The following ZKSCAN5 variants were observed in gnomAD, a reference collection of about 807,000 sequenced individuals.
ZKSCAN5 encodes the protein zinc finger protein with KRAB and SCAN domains 5.
A neutral mutation model predicts 60.0 loss-of-function variants in ZKSCAN5; 28 were observed. The observed-to-expected ratio is 0.47, with a 90% CI of 0.35 to 0.64. The LOEUF is 0.64. Among genes scored for constraint, ZKSCAN5 ranks in the 30% least tolerant of loss-of-function variants. The probability of loss-of-function intolerance (pLI) is 0.01; values close to 1 mark genes in which losing one functional copy is unlikely to be tolerated. For missense variants in ZKSCAN5, 881 were observed against 1,034.6 expected (o/e 0.85, Z 2.04); for synonymous variants, 361 against 371.2 (o/e 0.97, Z 0.31).
At chr7:99,506,548 A>G in intron 2 of ZKSCAN5, 90 bp downstream of exon 2, 1 of 1,435,926 alleles carries the variant, frequency 7.0e-7, no homozygotes, top group Non-Finnish European at 9.3e-7. Flanking sequence ...CTGCTGCTTC[A>G]TTCATATTCT....
intron 3 of ZKSCAN5, 106 bp from the exon 4 acceptor site, chr7:99,519,721 C>T (rs377390841): frequency 1.3e-4 from 145 of 1,079,420 alleles, no homozygotes; most frequent in Non-Finnish European, 1.5e-4. Flanking sequence ...AATTTGGCCT[C>T]GGCGCAGTAG....
In ZKSCAN5 at chr7:99,521,082, A is replaced by G. The variant is rs774897827; in HGVS notation, c.772+778A>G. Among the ~76,000 whole-genome samples the G allele has an allele frequency of 5.9e-5, 9 of 152,276 alleles. No individual in the cohort carries two copies. The South Asian group carries it at 1.0e-3, about 18-fold the overall frequency. ...TAAAAATCTCAGCACTCCTGCAAAC[A>G]TTTTGGAGATTATAGCTTTTAGCCT... On this transcript the variant is annotated intron_variant, in intron 5 of 6. Transcript: ENST00000326775.
Position 99,531,672 on chromosome 7 carries a change from T to C in ZKSCAN5, c.1943T>C (p.Leu648Pro), listed in dbSNP as rs1184333608. The C allele has an allele frequency of 6.2e-7, 1 of 1,614,088 alleles. No individual in the cohort carries two copies. The highest frequency in any genetic ancestry group is 8.5e-7 in the Non-Finnish European group (1 of 1,180,052). Residue 648 changes from leucine (L) to proline (P), a missense_variant, in exon 7 of 7, where the codon CTG becomes CCG. By Grantham distance (98) the Leu-to-Pro change is moderately conservative. This residue lies in a region of ZKSCAN5 where 112 missense variants were observed against 182.4 expected (regional missense o/e 0.61). Coordinates refer to ENST00000326775, the MANE Select transcript of ZKSCAN5 (RefSeq NM_145102.4). ...CGKGFGRRSH[L>P]AGHLRLHSRE... is the part of the protein sequence containing the mutation. ...AAAGGCTTTGGGAGGCGTTCCCACCTGGCTGGACATCTTCGACTCCACTCC... is the reference window on the plus strand; with the variant it reads ...AAAGGCTTTGGGAGGCGTTCCCACCCGGCTGGACATCTTCGACTCCACTCC...
chr7:99,524,691 GTTC>G (rs1562912520), intron 5 of ZKSCAN5, among the ~76,000 whole-genome samples: 1 of 152,160 alleles, frequency 6.6e-6, no homozygotes, highest in African/African-American at 2.4e-5. Flanking sequence ...AAAGTAGTAG[GTTC>G]TTCTCAGGAT....
intron 6 of ZKSCAN5, among the ~76,000 whole-genome samples, chr7:99,528,171 C>T (rs1326522755): frequency 6.8e-6 from 1 of 147,768 alleles, no homozygotes; most frequent in Non-Finnish European, 1.5e-5. Flanking sequence ...AGCCACGCTG[C>T]ATCTTCCACC....
Position 99,531,994 on chromosome 7 carries a change from C to T in ZKSCAN5, c.2265C>T (p.Gly755=), listed in dbSNP as rs750645791. ...GTGATATATGTAGAGAAAATGTTGG[C>T]CAGTGTTCCCACACCAAACAACATC... ...YQCDICRENV[G]QCSHTKQHQK... The change falls in exon 7 of 7, where the codon GGC becomes GGT. Residue 755 remains glycine, a synonymous_variant. Coordinates refer to ENST00000326775, the MANE Select transcript of ZKSCAN5 (RefSeq NM_145102.4). The T allele has an allele frequency of 3.1e-6, 5 of 1,614,054 alleles. No individual in the cohort carries two copies. The highest frequency in any genetic ancestry group is 3.4e-6 in the Non-Finnish European group (4 of 1,180,056).
In ZKSCAN5 at chr7:99,526,410, C is replaced by T. The variant is rs1467520990; in HGVS notation, c.1370C>T (p.Ser457Phe). The T allele has an allele frequency of 1.3e-6, 2 of 1,598,588 alleles. No homozygotes were observed. Among genetic ancestry groups the T allele is most frequent in the African/African-American group, 2.7e-5 (2 of 74,872 alleles). Residue 457 changes from serine (S) to phenylalanine (F), a missense_variant, in exon 6 of 7, where the codon TCC (serine) becomes TTC (phenylalanine). Ser to Phe is a radical substitution (Grantham distance 155). Transcript: ENST00000326775. Reference protein sequence around the residue: ...EHLKRHFREKSQRCSDKRSKN... With the variant: ...EHLKRHFREKFQRCSDKRSKN... ...CTAAAACGCCACTTCAGGGAGAAATCCCAGAGATGTACGTGTGAGGAGTTT... is the reference window on the plus strand; with the variant it reads ...CTAAAACGCCACTTCAGGGAGAAATTCCAGAGATGTACGTGTGAGGAGTTT...
rs115361099 is a variant in ZKSCAN5, at chr7:99,526,102, C to A, written c.1062C>A (p.Phe354Leu). The A allele has an allele frequency of 9.8e-5, 158 of 1,614,212 alleles. 2 individuals are homozygous for A. In the Admixed American group the frequency reaches 1.2e-3, roughly 13 times the overall value. The change falls in exon 6 of 7, where the codon TTC (phenylalanine) becomes TTA (leucine). Residue 354 changes from phenylalanine to leucine, a missense_variant. By Grantham distance (22) the Phe-to-Leu change is conservative. Around this residue, in one of 5 missense-constraint regions of ZKSCAN5, gnomAD observed 490 missense variants for 554.5 expected, o/e 0.88. Transcript: ENST00000326775. ...ACAGATGCAGCGATTGTGGCAAATT[C>A]TTCCTCCAAGCCTCAAACTTTATTC... is the stretch of plus-strand genomic sequence containing the variant. ...RGHRCSDCGK[F>L]FLQASNFIQH...
chr7:99,526,855 T>C (rs972299455), intron 6 of ZKSCAN5, among the ~76,000 whole-genome samples: 7 of 152,196 alleles, frequency 4.6e-5, no homozygotes, highest in African/African-American at 1.7e-4. Flanking sequence ...GTGCTGGCTG[T>C]GCTCTCAGCT....
chr7:99,512,530 C>T lies in ZKSCAN5; in HGVS notation c.492C>T (p.Pro164=). 3 of 1,614,166 alleles carry T rather than the reference C, an allele frequency of 1.9e-6. No individual in the cohort carries two copies. Among genetic ancestry groups the T allele is most frequent in the Non-Finnish European group, 2.5e-6 (3 of 1,180,008 alleles). ...GAVQESCSPH[P]LTVDTQPEQA... Reference sequence around the variant, plus strand: ...TGCAGGAGTCCTGCAGCCCCCATCCCCTGACCGTGGACACCCAGCCTGAGC... The same window carrying T: ...TGCAGGAGTCCTGCAGCCCCCATCCTCTGACCGTGGACACCCAGCCTGAGC... Residue 164 remains proline (P), a synonymous_variant, in exon 3 of 7, where the codon CCC becomes CCT. Transcript: ENST00000326775.
intron 2 of ZKSCAN5, 42 bp downstream of exon 2, chr7:99,506,500 T>A: frequency 6.6e-6 from 10 of 1,525,264 alleles, no homozygotes; most frequent in South Asian, 2.4e-5. Context: ...AGGAGAGGAG[T>A]GAACCATCTG....
chr7:99,523,520 C>G (rs892751111), intron 5 of ZKSCAN5, among the ~76,000 whole-genome samples: 1 of 152,112 alleles, frequency 6.6e-6, no homozygotes, highest in African/African-American at 2.4e-5. Context: ...GTGGGAGGAT[C>G]GCTTCAACCA....
intron 4 of ZKSCAN5, 74 bp downstream of exon 4, chr7:99,519,983 G>A: frequency 1.9e-6 from 3 of 1,570,782 alleles, no homozygotes; most frequent in Non-Finnish European, 2.6e-6. Flanking sequence ...TCTTTAGCCA[G>A]TGACTAGGCC....
Position 99,514,983 on chromosome 7 carries a change from G to A in ZKSCAN5, c.553+2392G>A, listed in dbSNP as rs148281696. On this transcript the variant is annotated intron_variant, in intron 3 of 6. Transcript: ENST00000326775. ...TGGTCCCGGCTATACCAGAGGCTGA[G>A]GTGGGAGATTGCTCGAGCCCAGGAA... Among the ~76,000 whole-genome samples the A allele has an allele frequency of 4.1e-3, 631 of 152,176 alleles. 5 individuals carry two copies. The highest frequency in any genetic ancestry group is 0.014 in the African/African-American group (588 of 41,524).
chr7:99,523,148 T>C (rs78450194), intron 5 of ZKSCAN5, among the ~76,000 whole-genome samples: 2,138 of 109,836 alleles, frequency 0.019, 27 homozygotes, highest in Middle Eastern at 0.031. Context: ...TAGGTGACAA[T>C]GTGAGACCCT....
rs150027885 is a variant in ZKSCAN5 at position 99,531,225 on chromosome 7, A to G, written c.1496A>G (p.Asp499Gly). The change falls in exon 7 of 7, where the codon GAT (aspartate) becomes GGT (glycine). Residue 499 changes from aspartate to glycine, a missense_variant. Physicochemically the swap from Asp to Gly is moderately conservative, Grantham distance 94. Around this residue, in one of 5 missense-constraint regions of ZKSCAN5, gnomAD observed 490 missense variants for 554.5 expected, o/e 0.88. Coordinates refer to ENST00000326775, the MANE Select transcript of ZKSCAN5 (RefSeq NM_145102.4). ...KTQRNVSQVQDFGEGCEFQGK... is the reference protein window; with the variant it reads ...KTQRNVSQVQGFGEGCEFQGK... The stretch of plus-strand genomic sequence containing the variant: ...CAAAGAAATGTTTCTCAAGTTCAAG[A>G]TTTTGGAGAAGGCTGTGAGTTTCAA... 340 of 1,614,158 alleles carry G rather than the reference A, an allele frequency of 2.1e-4. 3 individuals carry two copies. The Admixed American group carries it at 5.4e-3, about 26-fold the overall frequency.
At chr7:99,519,484 G>A (rs940108108) in intron 3 of ZKSCAN5, among the ~76,000 whole-genome samples, 5 of 152,010 alleles carry the variant, frequency 3.3e-5, no homozygotes, top group Non-Finnish European at 5.9e-5. Flanking sequence ...TGCCTTGTTG[G>A]CCAGGATGGC....
At chr7:99,523,445 G>GACAA (rs1448692808) in intron 5 of ZKSCAN5, among the ~76,000 whole-genome samples, 1 of 152,112 alleles carries the variant, frequency 6.6e-6, no homozygotes, top group East Asian at 1.9e-4. Flanking sequence ...AACATAGTGA[G>GACAA]ACAAACCCTT....
intron 5 of ZKSCAN5, among the ~76,000 whole-genome samples, chr7:99,521,810 T>A (rs1188186823): frequency 1.3e-5 from 2 of 152,052 alleles, no homozygotes; most frequent in African/African-American, 4.8e-5. Flanking sequence ...TGATTTTTCA[T>A]GGGGCCTTTT....
Sources: allele counts gnomAD v4.1 joint callset (sites outside exome capture counted in the v4.1 genomes callset), GRCh38; gene constraint gnomAD v4.1.1; regional missense constraint gnomAD v4.1.1; transcripts MANE v1.5; gene names NCBI Gene and HGNC (gene_info 2026-07-23, HGNC 2026-07-21).